Variants in FAM98A observed in about 807,000 individuals in gnomAD.
FAM98A encodes the protein tRNA splicing ligase complex subunit 3A.
FAM98A carries 25 observed loss-of-function variants against 62.9 expected under a neutral mutation model. The ratio of observed to expected loss-of-function variants is 0.40; its 90% confidence interval spans 0.29 to 0.56. FAM98A has a LOEUF of 0.56. FAM98A is among the 20% of genes least tolerant of loss of function. The probability of loss-of-function intolerance (pLI) is 0.51; values close to 1 mark genes in which losing one functional copy is unlikely to be tolerated. For synonymous variants in FAM98A, 252 were observed against 228.6 expected, an observed-to-expected ratio of 1.10 and a Z score of -0.92; for missense variants, 653 against 640.7, an observed-to-expected ratio of 1.02 and a Z score of -0.21.
intron 3 of FAM98A, 52 bp downstream of exon 3, chr2:33,592,028 T>C (rs148085074): frequency 7.4e-6 from 11 of 1,480,024 alleles, no homozygotes; most frequent in South Asian, 4.9e-5. Flanking sequence ...TTATTAGTCA[T>C]GGAAAACATA....
chr2:33,595,558 G>A lies in FAM98A; in HGVS notation c.133C>T (p.Leu45Phe). Reference protein sequence around the residue: ...AGASSPEFTKLCAWLVSELRV... With the variant: ...AGASSPEFTKFCAWLVSELRV... ...AATTCAGACACCAGCCAAGCACAGA[G>A]TTTGGTAAACTCGGGGGAACTGGCT... The change falls in exon 2 of 8, where the codon CTC becomes TTC. Residue 45 changes from leucine (L) to phenylalanine (F), a missense_variant. By Grantham distance (22) the Leu-to-Phe change is conservative. Transcript: ENST00000238823. 1 of 1,610,946 alleles carries A rather than the reference G, an allele frequency of 6.2e-7. No individual in the cohort carries two copies. Among genetic ancestry groups the A allele is most frequent in the Non-Finnish European group, 8.5e-7 (1 of 1,178,900 alleles).
chr2:33,598,468 A>G (rs1051656855), intron 1 of FAM98A, among the ~76,000 whole-genome samples: 2 of 152,198 alleles, frequency 1.3e-5, no homozygotes, highest in African/African-American at 4.8e-5. Flanking sequence ...TTATGGTTGA[A>G]TAAATATCAG....
chr2:33,594,668 C>T (rs13016740), intron 2 of FAM98A, among the ~76,000 whole-genome samples: 1 of 114,038 alleles, frequency 8.8e-6, no homozygotes, highest in East Asian at 2.1e-4. Flanking sequence ...TATATATACA[C>T]ATATATATAT....
In FAM98A at chr2:33,583,772, T is replaced by C. The variant is rs968994906; in HGVS notation, c.*1004A>G. ...TACAAAAACCCAGCAAGAAGCATCA[T>C]GTCATGTAGATTTCAGTAAGGGAGA... On this transcript the variant is annotated 3_prime_UTR_variant, in exon 8 of 8. Coordinates refer to ENST00000238823, the MANE Select transcript of FAM98A (RefSeq NM_015475.5). 1 of 152,690 alleles carries C rather than the reference T, an allele frequency of 6.5e-6. No homozygotes were observed. The highest frequency in any genetic ancestry group is 2.4e-5 in the African/African-American group (1 of 41,454). The allele number at this position is 152,690 out of a possible 1,614,324, so 9.5% of individuals were successfully genotyped here. A position where few individuals can be genotyped will look rare whatever the true frequency, so the allele number is the denominator to read the frequency against.
intron 3 of FAM98A, 84 bp downstream of exon 3, chr2:33,591,996 C>A: frequency 2.5e-6 from 3 of 1,189,566 alleles, no homozygotes; most frequent in Non-Finnish European, 2.3e-6. Flanking sequence ...ATGAAATAAA[C>A]AAACAAAAAA....
In FAM98A at chr2:33,599,168, C is replaced by T; in HGVS notation, c.53+1G>A. On this transcript the variant is annotated splice_donor_variant, in intron 1 of 7. Transcript: ENST00000238823. LOFTEE classifies it high-confidence loss of function. ...GGAGACCCGTGCCCTGACAATCTTA[C>T]CCTAGATCTTCCAACGACTCCAAGA... The T allele has an allele frequency of 6.2e-7, 1 of 1,613,294 alleles. No homozygotes were observed. The highest frequency in any genetic ancestry group is 8.5e-7 in the Non-Finnish European group (1 of 1,179,300).
At chr2:33,595,365 T>G (rs886675799) in intron 2 of FAM98A, 124 bp downstream of exon 2, 1 of 780,036 alleles carries the variant, frequency 1.3e-6, no homozygotes, top group African/African-American at 1.8e-5. Context: ...AAATCTTGGC[T>G]TCTTTACAAA....
In FAM98A at chr2:33,587,323, G is replaced by A. The variant is rs774525267; in HGVS notation, c.523-3C>T. 5.6e-6 allele frequency: 9 copies of A among 1,604,220 alleles called. No individual in the cohort carries two copies. The South Asian group carries it at 9.9e-5, about 18-fold the overall frequency. The stretch of plus-strand genomic sequence containing the variant: ...ACTTTTGCTAATGTTTCCTTTAACT[G>A]ACACAAAAACATAAATAAATGAATA... On this transcript the variant is annotated splice_polypyrimidine_tract_variant and splice_region_variant and intron_variant, in intron 4 of 7. Coordinates refer to ENST00000238823, the MANE Select transcript of FAM98A (RefSeq NM_015475.5).
chr2:33,589,549 C>T (rs991967395), intron 3 of FAM98A: 10 of 152,122 alleles, frequency 6.6e-5, no homozygotes, highest in Non-Finnish European at 1.3e-4. Context: ...GCTAGAAGGA[C>T]AGAGGCCATA....
chr2:33,586,509 T>TAC lies in FAM98A; in HGVS notation c.720+52_720+53insGT, dbSNP rs1677558226. ...GCCAAGTAGCTAAATTGTTTAGATG[T>TAC]TCAGGGATCATGTCTATAAATAGTC... On this transcript the variant is annotated intron_variant, in intron 6 of 7. Transcript: ENST00000238823. 9 of 1,199,360 alleles carry TAC rather than the reference T, an allele frequency of 7.5e-6. No individual in the cohort carries two copies. In the East Asian group the frequency reaches 1.4e-4, roughly 19 times the overall value. The allele number at this position is 1,199,360 out of a possible 1,614,324, so 74.3% of individuals were successfully genotyped here.
Position 33,596,211 on chromosome 2 carries a change from G to T in FAM98A, c.54-574C>A, listed in dbSNP as rs1572420692. 2.6e-5 allele frequency among the ~76,000 whole-genome samples: 4 copies of T among 152,174 alleles called. No homozygotes were observed. In the East Asian group the frequency reaches 7.7e-4, roughly 29 times the overall value. ...TACTATGTTGCCCAGGCTTAGTTAG[G>T]TTTTTAATGACTTCCTTTAAAAGTA... On this transcript the variant is annotated intron_variant, in intron 1 of 7. Transcript: ENST00000238823.
chr2:33,596,994 G>A (rs1189466766), intron 1 of FAM98A, among the ~76,000 whole-genome samples: 2 of 151,224 alleles, frequency 1.3e-5, no homozygotes, highest in African/African-American at 4.9e-5. Flanking sequence ...GGTTTATACA[G>A]TATATGCAAC....
In FAM98A at chr2:33,592,116, G is replaced by A. The variant is rs567032920; in HGVS notation, c.301C>T (p.Arg101Cys). 31 of 1,613,358 alleles carry A rather than the reference G, an allele frequency of 1.9e-5. No homozygotes were observed. The highest frequency in any genetic ancestry group is 1.7e-4 in the Middle Eastern group (1 of 6,060). The change falls in exon 3 of 8, where the codon CGC (arginine) becomes TGC (cysteine). Residue 101 changes from arginine (R) to cysteine (C), a missense_variant. Physicochemically the swap from Arg to Cys is radical, Grantham distance 180 (BLOSUM62 -3). Coordinates refer to ENST00000238823, the MANE Select transcript of FAM98A (RefSeq NM_015475.5). Reference protein sequence around the residue: ...LSLTSGDVTKRLLIQKNCLLL... With the variant: ...LSLTSGDVTKCLLIQKNCLLL... The stretch of plus-strand genomic sequence containing the variant: ...AGGCAGTTCTTCTGAATGAGAAGGC[G>A]CTTGGTCACATCCCCAGATGTCAGT...
intron 5 of FAM98A, 38 bp from the exon 6 acceptor site, chr2:33,586,716 C>T: frequency 7.4e-7 from 1 of 1,342,680 alleles, no homozygotes; most frequent in Non-Finnish European, 1.1e-6. Context: ...GAGTTTAAAT[C>T]TGCTTGATTC....
intron 3 of FAM98A, among the ~76,000 whole-genome samples, chr2:33,590,771 C>T (rs1208134861): frequency 6.6e-6 from 1 of 152,128 alleles, no homozygotes; most frequent in African/African-American, 2.4e-5. Flanking sequence ...GCTTAAGAAA[C>T]AGAAAAGTGT....
chr2:33,589,415 T>C lies in FAM98A; in HGVS notation c.338-896A>G, dbSNP rs536973542. On this transcript the variant is annotated intron_variant, in intron 3 of 7. Coordinates refer to ENST00000238823, the MANE Select transcript of FAM98A (RefSeq NM_015475.5). Reference sequence around the variant, plus strand: ...TAGGATTTCTGGTTATGTGACAAAGTGAGATTCTTCTGACAATATAACAAA... The same window carrying C: ...TAGGATTTCTGGTTATGTGACAAAGCGAGATTCTTCTGACAATATAACAAA... The C allele has an allele frequency of 2.0e-5, 3 of 152,268 alleles. No homozygotes were observed. The East Asian group carries it at 5.8e-4, about 29-fold the overall frequency. The allele number at this position is 152,268 out of a possible 1,614,324, so 9.4% of individuals were successfully genotyped here.
intron 3 of FAM98A, among the ~76,000 whole-genome samples, chr2:33,590,901 C>A (rs544378628): frequency 4.1e-4 from 62 of 152,240 alleles, no homozygotes; most frequent in Non-Finnish European, 7.9e-4. Flanking sequence ...TTCCACACAG[C>A]TATTATCTTC....
intron 2 of FAM98A, among the ~76,000 whole-genome samples, chr2:33,592,801 GGTTT>G (rs1485611499): frequency 6.6e-6 from 1 of 152,100 alleles, no homozygotes; most frequent in Non-Finnish European, 1.5e-5. Context: ...TAGCTGCTTA[GGTTT>G]GTTCTTCCTA....
chr2:33,594,179 C>T (rs1454206447), intron 2 of FAM98A, among the ~76,000 whole-genome samples: 2 of 152,108 alleles, frequency 1.3e-5, no homozygotes, highest in Non-Finnish European at 2.9e-5. Flanking sequence ...AGTGAGTACA[C>T]AATAAATGTA....
Sources: allele counts gnomAD v4.1 joint callset (sites outside exome capture counted in the v4.1 genomes callset), GRCh38; gene constraint gnomAD v4.1.1; transcripts MANE v1.5; gene names NCBI Gene and HGNC (gene_info 2026-07-23, HGNC 2026-07-21).